The following KDM3B variants were observed in gnomAD, a reference collection of about 807,000 sequenced individuals.
KDM3B encodes lysine-specific demethylase 3B.
Under a neutral mutation model 170.0 loss-of-function variants are expected in KDM3B, and 10 were observed. That is an observed-to-expected ratio of 0.06 (90% CI 0.04 to 0.10). The LOEUF (loss-of-function observed/expected upper bound fraction) is 0.10, where lower values mean the gene tolerates loss of function less well. Among genes scored for constraint, KDM3B ranks in the 10% least tolerant of loss-of-function variants. The probability of loss-of-function intolerance (pLI) is 1.00; values close to 1 mark genes in which losing one functional copy is unlikely to be tolerated. For missense variants in KDM3B, 1,394 were observed against 2,195.2 expected (o/e 0.64, Z 7.29); for synonymous variants, 831 against 834.8 (o/e 1.00, Z 0.08).
intron 23 of KDM3B, among the ~76,000 whole-genome samples, chr5:138,434,345 C>T (rs1375051193): frequency 1.3e-5 from 2 of 151,948 alleles, no homozygotes; most frequent in African/African-American, 2.4e-5. Context: ...GTCAGGAGTT[C>T]GAGACCAGCC....
intron 3 of KDM3B, among the ~76,000 whole-genome samples, chr5:138,377,077 G>A (rs984645789): frequency 1.3e-5 from 2 of 152,258 alleles, no homozygotes; most frequent in African/African-American, 2.4e-5. Flanking sequence ...TTCCCCGCTC[G>A]TTAGGTTAAT....
At chr5:138,384,959 T>C (rs1195907761) in intron 6 of KDM3B, among the ~76,000 whole-genome samples, 2 of 151,036 alleles carry the variant, frequency 1.3e-5, no homozygotes, top group Non-Finnish European at 3.0e-5. Flanking sequence ...ACTTAGATAA[T>C]ATTACCAAAA....
intron 11 of KDM3B, among the ~76,000 whole-genome samples, chr5:138,405,811 TAGC>T (rs201140960): frequency 4.1e-3 from 619 of 152,234 alleles, no homozygotes; most frequent in Middle Eastern, 6.8e-3. Context: ...AAATATATAA[TAGC>T]AGCACAGAGG....
chr5:138,362,482 C>G (rs945273800), intron 1 of KDM3B, among the ~76,000 whole-genome samples: 1 of 150,566 alleles, frequency 6.6e-6, no homozygotes, highest in Non-Finnish European at 1.5e-5. Flanking sequence ...ATCATTAAGT[C>G]GGGTGCAGTG....
chr5:138,430,897 A>T (rs1284564101), intron 22 of KDM3B, among the ~76,000 whole-genome samples: 1 of 152,192 alleles, frequency 6.6e-6, no homozygotes, highest in Non-Finnish European at 1.5e-5. Context: ...TCTCAAAAAA[A>T]AAAAATTTAA....
chr5:138,406,679 G>C (rs1383458371), intron 11 of KDM3B, among the ~76,000 whole-genome samples: 1 of 152,116 alleles, frequency 6.6e-6, no homozygotes, highest in Non-Finnish European at 1.5e-5. Flanking sequence ...CTTTTTAAAA[G>C]AGTATAAATG....
At chr5:138,360,181 G>A in intron 1 of KDM3B, among the ~76,000 whole-genome samples, 1 of 152,174 alleles carries the variant, frequency 6.6e-6, no homozygotes, top group East Asian at 1.9e-4. Flanking sequence ...TTCAGCCCTA[G>A]TTGAAATGGG....
chr5:138,411,708 T>G (rs980942972), intron 11 of KDM3B, among the ~76,000 whole-genome samples: 20 of 151,560 alleles, frequency 1.3e-4, no homozygotes, highest in African/African-American at 4.4e-4. Context: ...TTAATTTTTT[T>G]TTTTTTTCTG....
rs182118173 is a variant in KDM3B, at chr5:138,405,705, A to G, written c.3199+5693A>G. Among the ~76,000 whole-genome samples the G allele has an allele frequency of 2.0e-5, 3 of 152,332 alleles. No individual in the cohort carries two copies. In the East Asian group the frequency reaches 5.8e-4, roughly 29 times the overall value. On this transcript the variant is annotated intron_variant, in intron 11 of 23. Coordinates refer to ENST00000314358, the MANE Select transcript of KDM3B (RefSeq NM_016604.4). ...TGGTATATATGAGTAAATATAAAAGATCTCTTTTTCTCGTTTATAATCTTT... is the reference window on the plus strand; with the variant it reads ...TGGTATATATGAGTAAATATAAAAGGTCTCTTTTTCTCGTTTATAATCTTT...
At chr5:138,383,915 A>G (rs910856182) in intron 6 of KDM3B, among the ~76,000 whole-genome samples, 3 of 151,582 alleles carry the variant, frequency 2.0e-5, no homozygotes, top group Non-Finnish European at 2.9e-5. Flanking sequence ...GTGCTATTGC[A>G]CTCCAGCCTG....
intron 23 of KDM3B, among the ~76,000 whole-genome samples, chr5:138,433,736 C>T (rs906396907): frequency 2.0e-5 from 3 of 151,724 alleles, no homozygotes; most frequent in Non-Finnish European, 4.4e-5. Context: ...AAAGTATAAT[C>T]AACGTTGGTG....
intron 1 of KDM3B, among the ~76,000 whole-genome samples, chr5:138,360,372 A>G (rs1407011694): frequency 6.6e-6 from 1 of 152,104 alleles, no homozygotes; most frequent in East Asian, 1.9e-4. Context: ...TGACATTAAG[A>G]CTATATACTG....
At chr5:138,359,808 G>T (rs1761552316) in intron 1 of KDM3B, among the ~76,000 whole-genome samples, 1 of 152,164 alleles carries the variant, frequency 6.6e-6, no homozygotes, top group Non-Finnish European at 1.5e-5. Context: ...TACCAGAGAA[G>T]TGAAAGCATA....
intron 10 of KDM3B, among the ~76,000 whole-genome samples, chr5:138,398,883 A>G (rs1762608740): frequency 7.4e-6 from 1 of 135,188 alleles, no homozygotes. Context: ...TATATCCTAA[A>G]TTTCTTTTTT....
chr5:138,375,271 T>A, intron 3 of KDM3B, 65 bp downstream of exon 3: 1 of 981,962 alleles, frequency 1.0e-6, no homozygotes, highest in Non-Finnish European at 1.6e-6. Flanking sequence ...TTTGTTGATA[T>A]AAACATAGGT....
At chr5:138,373,348 A>G (rs1037823793) in intron 2 of KDM3B, among the ~76,000 whole-genome samples, 4 of 152,200 alleles carry the variant, frequency 2.6e-5, no homozygotes, top group Non-Finnish European at 5.9e-5. Context: ...TCAAAAACAA[A>G]AAAAACAACA....
intron 1 of KDM3B, among the ~76,000 whole-genome samples, chr5:138,356,893 C>T (rs767553763): frequency 1.1e-4 from 16 of 152,092 alleles, no homozygotes; most frequent in South Asian, 2.1e-4. Context: ...CTGTGCCCAC[C>T]GCGACCTCCC....
chr5:138,372,205 C>G (rs568548876), intron 1 of KDM3B, among the ~76,000 whole-genome samples: 3 of 152,202 alleles, frequency 2.0e-5, no homozygotes, highest in African/African-American at 7.2e-5. Flanking sequence ...CATATGCATA[C>G]ATCACCTATT....
chr5:138,352,976 C>A lies in KDM3B; in HGVS notation c.181C>A (p.Gln61Lys). The stretch of plus-strand genomic sequence containing the variant: ...GCGGGCCATGAGCGGGGCGGTGCCC[C>A]AGGACCTAGCGGTGAGTGGCGGCCG... ...TVRAMSGAVP[Q>K]DLAIFVEFDG... Residue 61 changes from glutamine to lysine, a missense_variant, in exon 1 of 24, where the codon CAG (glutamine) becomes AAG (lysine). Gln to Lys is a moderately conservative substitution (Grantham distance 53, BLOSUM62 1). Transcript: ENST00000314358. The A allele has an allele frequency of 8.0e-7, 1 of 1,243,476 alleles. No individual in the cohort carries two copies. The highest frequency in any genetic ancestry group is 3.2e-5 in the East Asian group (1 of 30,910). 77.0% of individuals were successfully genotyped at this position (1,243,476 alleles called of 1,614,324 possible).
Sources: allele counts gnomAD v4.1 joint callset (sites outside exome capture counted in the v4.1 genomes callset), GRCh38; gene constraint gnomAD v4.1.1; transcripts MANE v1.5; gene names NCBI Gene and HGNC (gene_info 2026-07-23, HGNC 2026-07-21).